Variants in RBFOX1 observed in about 807,000 individuals in gnomAD.
RBFOX1 encodes the protein RNA binding fox-1 homolog 1.
A neutral mutation model predicts 57.7 loss-of-function variants in RBFOX1; 8 were observed. The ratio of observed to expected loss-of-function variants is 0.14; its 90% CI spans 0.08 to 0.25. The LOEUF is 0.25. Among genes scored for constraint, RBFOX1 ranks in the 10% least tolerant of loss-of-function variants. The probability of loss-of-function intolerance (pLI) is 1.00; values close to 1 mark genes in which losing one functional copy is unlikely to be tolerated. For missense variants in RBFOX1, 611 were observed against 548.5 expected (o/e 1.11, Z -1.14); for synonymous variants, 326 against 222.4 (o/e 1.47, Z -4.15).
At chr16:5,356,019 A>T (rs908258485) in intron 1 of RBFOX1, among the ~76,000 whole-genome samples, 22 of 152,074 alleles carry the variant, frequency 1.4e-4, no homozygotes, top group Admixed American at 6.6e-4. Flanking sequence ...TTAACCCGGG[A>T]GGCGGAGGTT....
Position 6,286,231 on chromosome 16 carries a change from T to G in RBFOX1, c.-126-30764T>G, listed in dbSNP as rs1225293272. ...AACCCCCCATCCCTGGTTTCTTCTC[T>G]TCTCCAAAGGGCTCTGAATGCCAAG... On this transcript the variant is annotated intron_variant, in intron 1 of 15. Coordinates refer to ENST00000550418, the MANE Select transcript of RBFOX1 (RefSeq NM_018723.4). 2.0e-5 allele frequency among the ~76,000 whole-genome samples: 3 copies of G among 152,312 alleles called. No individual in the cohort carries two copies. The East Asian group carries it at 5.8e-4, about 29-fold the overall frequency.
intron 1 of RBFOX1, among the ~76,000 whole-genome samples, chr16:5,364,819 G>C (rs1256995421): frequency 1.3e-5 from 2 of 152,122 alleles, no homozygotes; most frequent in Non-Finnish European, 2.9e-5. Context: ...CCAGCTATGG[G>C]GCTTGGCTTG....
At chr16:6,591,209 G>T (rs999081373) in intron 2 of RBFOX1, among the ~76,000 whole-genome samples, 1 of 152,176 alleles carries the variant, frequency 6.6e-6, no homozygotes, top group Non-Finnish European at 1.5e-5. Context: ...GCTTTGGGAG[G>T]CCAAGGAGGG....
intron 5 of RBFOX1, among the ~76,000 whole-genome samples, chr16:7,543,658 G>C (rs1003869324): frequency 1.3e-5 from 2 of 150,270 alleles, no homozygotes; most frequent in Non-Finnish European, 3.0e-5. Context: ...GCACCATGCT[G>C]GGCAGTATCT....
chr16:5,462,136 A>G (rs1189048658), intron 1 of RBFOX1, among the ~76,000 whole-genome samples: 4 of 151,684 alleles, frequency 2.6e-5, no homozygotes, highest in African/African-American at 4.8e-5. Context: ...GAGCAAGCAT[A>G]AAAGAAACCC....
intron 2 of RBFOX1, among the ~76,000 whole-genome samples, chr16:6,481,733 C>G (rs2095373840): frequency 6.6e-6 from 1 of 152,098 alleles, no homozygotes; most frequent in Non-Finnish European, 1.5e-5. Flanking sequence ...GGGAGTGGAG[C>G]ATGTTCTTCA....
At chr16:6,948,375 CTTTTTTTTTTTT>C (rs968186299) in intron 3 of RBFOX1, among the ~76,000 whole-genome samples, 17 of 67,962 alleles carry the variant, frequency 2.5e-4, no homozygotes, top group South Asian at 5.2e-4. Flanking sequence ...TTCTCCCTTT[CTTTTTTTTTTTT>C]TTTTTTTTTT....
At chr16:6,449,394 T>C (rs1256614061) in intron 2 of RBFOX1, among the ~76,000 whole-genome samples, 1 of 152,216 alleles carries the variant, frequency 6.6e-6, no homozygotes, top group Non-Finnish European at 1.5e-5. Flanking sequence ...TGTTTCGGGG[T>C]AGAACATTCC....
chr16:7,269,079 C>G lies in RBFOX1; in HGVS notation c.27+216981C>G, dbSNP rs116719759. Reference sequence around the variant, plus strand: ...AAAAAAAAAAAAAAAAAGAATCAGCCTCTGGATCACATTAACCCTCACAGC... The same window carrying G: ...AAAAAAAAAAAAAAAAAGAATCAGCGTCTGGATCACATTAACCCTCACAGC... On this transcript the variant is annotated intron_variant, in intron 4 of 15. Transcript: ENST00000550418. Among the ~76,000 whole-genome samples, 450 of 147,774 alleles carry G rather than the reference C, an allele frequency of 3.0e-3. 4 individuals carry two copies. The highest frequency in any genetic ancestry group is 0.011 in the African/African-American group (428 of 40,166).
intron 2 of RBFOX1, among the ~76,000 whole-genome samples, chr16:5,550,419 G>A (rs954110496): frequency 1.3e-5 from 2 of 152,184 alleles, no homozygotes; most frequent in Non-Finnish European, 2.9e-5. Flanking sequence ...TCTGATTACC[G>A]CTCTGTTGGA....
chr16:6,201,090 C>G (rs1051181668), intron 1 of RBFOX1, among the ~76,000 whole-genome samples: 3 of 152,054 alleles, frequency 2.0e-5, no homozygotes, highest in Admixed American at 1.3e-4. Context: ...TTTCGCTTAA[C>G]ATAATGTCCC....
At chr16:5,365,957 G>A in intron 1 of RBFOX1, 1 of 493,096 alleles carries the variant, frequency 2.0e-6, no homozygotes, top group African/African-American at 1.9e-5. Context: ...CTGGTGTGAA[G>A]GATGAATCGT....
At chr16:7,107,669 C>T (rs2063853217) in intron 4 of RBFOX1, among the ~76,000 whole-genome samples, 1 of 152,124 alleles carries the variant, frequency 6.6e-6, no homozygotes, top group African/African-American at 2.4e-5. Context: ...CACCAATCCA[C>T]TTTCTATTTC....
chr16:5,921,054 G>A (rs2058810524), intron 4 of RBFOX1, among the ~76,000 whole-genome samples: 1 of 152,064 alleles, frequency 6.6e-6, no homozygotes, highest in Non-Finnish European at 1.5e-5. Flanking sequence ...TGATGTGTTG[G>A]TGGGAATCTA....
chr16:6,878,733 T>C (rs1394843258), intron 3 of RBFOX1, among the ~76,000 whole-genome samples: 1 of 152,174 alleles, frequency 6.6e-6, no homozygotes, highest in Non-Finnish European at 1.5e-5. Flanking sequence ...AATGGAAACC[T>C]GATATATCCC....
chr16:6,233,310 G>C (rs9927038), intron 1 of RBFOX1, among the ~76,000 whole-genome samples: 96,994 of 151,950 alleles, frequency 0.64, 31,725 homozygotes, highest in East Asian at 0.75. Context: ...GCAGGGTGAG[G>C]TTTCTGTTAA....
chr16:6,622,452 G>A (rs186353276), intron 2 of RBFOX1, among the ~76,000 whole-genome samples: 7 of 152,228 alleles, frequency 4.6e-5, no homozygotes, highest in African/African-American at 1.4e-4. Context: ...TGTAGTCTAG[G>A]AGCAATAGGC....
At chr16:7,521,155 G>C (rs1386513080) in intron 5 of RBFOX1, among the ~76,000 whole-genome samples, 3 of 152,192 alleles carry the variant, frequency 2.0e-5, no homozygotes, top group South Asian at 2.1e-4. Flanking sequence ...AGACAAAGCA[G>C]CCCAGGCAGA....
chr16:6,466,062 C>G (rs1269205716), intron 2 of RBFOX1, among the ~76,000 whole-genome samples: 2 of 151,882 alleles, frequency 1.3e-5, no homozygotes, highest in South Asian at 2.1e-4. Context: ...AACCCCATCT[C>G]TACTAAAAAT....
Sources: gnomAD v4.1 joint callset for allele counts (sites outside exome capture counted in the v4.1 genomes callset) on GRCh38, gnomAD v4.1.1 for gene constraint, MANE v1.5 for transcripts, NCBI Gene and HGNC (gene_info 2026-07-23, HGNC 2026-07-21) for gene names.